Variants in MFF observed in about 807,000 individuals in gnomAD.
MFF encodes the protein chromosome 2 open reading frame 33.
In MFF, 12 loss-of-function variants were observed where a neutral mutation model predicts 36.9. That is an observed-to-expected ratio of 0.33 (90% CI 0.21 to 0.53). The LOEUF (loss-of-function observed/expected upper bound fraction) is 0.53, where lower values mean the gene tolerates loss of function less well. Ranked by LOEUF, MFF falls within the 20% of genes least tolerant of loss-of-function variation. The pLI is 0.95. For missense variants in MFF, 348 were observed against 366.6 expected (o/e 0.95, Z 0.42); for synonymous variants, 99 against 126.2 (o/e 0.78, Z 1.44).
At chr2:227,337,824 G>T (rs2075120062) in intron 4 of MFF, among the ~76,000 whole-genome samples, 1 of 151,996 alleles carries the variant, frequency 6.6e-6, no homozygotes, top group South Asian at 2.1e-4. Flanking sequence ...CGAAGTGGGT[G>T]GATCTCTTGA....
chr2:227,349,106 A>G (rs982013123), intron 6 of MFF, among the ~76,000 whole-genome samples: 5 of 152,186 alleles, frequency 3.3e-5, no homozygotes, highest in Non-Finnish European at 4.4e-5. Context: ...AGATATTTCC[A>G]AATCTTGTAT....
At chr2:227,356,121 C>G (rs543261395) in intron 8 of MFF, among the ~76,000 whole-genome samples, 1 of 152,178 alleles carries the variant, frequency 6.6e-6, no homozygotes, top group Non-Finnish European at 1.5e-5. Flanking sequence ...GCTTGCACAG[C>G]ATCCCTGCAT....
intron 1 of MFF, among the ~76,000 whole-genome samples, chr2:227,327,632 G>A (rs967340846): frequency 3.9e-5 from 6 of 152,172 alleles, no homozygotes; most frequent in Admixed American, 2.0e-4. Context: ...AGATATTCTC[G>A]TAAGAAAAGA....
Position 227,337,290 on chromosome 2 carries a change from C to T in MFF, c.352-3002C>T, listed in dbSNP as rs569125879. ...TGGCTTAACTGTTCTCCCCATGATT[C>T]GTGATTTTAAATTTTGGACAATGCA... is the stretch of plus-strand genomic sequence containing the variant. On this transcript the variant is annotated intron_variant, in intron 4 of 8. Transcript: ENST00000304593. Among the ~76,000 whole-genome samples the T allele has an allele frequency of 2.0e-5, 3 of 152,332 alleles. No homozygotes were observed. The South Asian group carries it at 6.2e-4, about 32-fold the overall frequency.
At chr2:227,340,457 A>G (rs2075331028) in intron 5 of MFF, 77 bp downstream of exon 5, 1 of 1,045,836 alleles carries the variant, frequency 9.6e-7, no homozygotes, top group African/African-American at 1.6e-5. Context: ...TTTTCTAAAT[A>G]ATTACTTCAT....
At chr2:227,339,864 A>G (rs973828122) in intron 4 of MFF, among the ~76,000 whole-genome samples, 1 of 152,216 alleles carries the variant, frequency 6.6e-6, no homozygotes, top group Non-Finnish European at 1.5e-5. Context: ...ACCAAATCTT[A>G]ATTTGTTACA....
At chr2:227,350,838 A>G (rs187398997) in intron 6 of MFF, among the ~76,000 whole-genome samples, 9 of 152,312 alleles carry the variant, frequency 5.9e-5, no homozygotes, top group Admixed American at 5.9e-4. Context: ...TTTATGTATT[A>G]AATCATACTT....
intron 4 of MFF, among the ~76,000 whole-genome samples, chr2:227,338,661 C>T (rs1171883496): frequency 6.6e-6 from 1 of 150,632 alleles, no homozygotes; most frequent in Non-Finnish European, 1.5e-5. Flanking sequence ...GAAACACCGT[C>T]TCCACTGAAA....
At chr2:227,356,655 C>T (rs1345505250) in intron 8 of MFF, among the ~76,000 whole-genome samples, 1 of 152,046 alleles carries the variant, frequency 6.6e-6, no homozygotes, top group Non-Finnish European at 1.5e-5. Context: ...GTAAGCCTGC[C>T]AAAATGCATA....
chr2:227,347,010 G>C (rs2075746833), intron 5 of MFF: 4 of 428,174 alleles, frequency 9.3e-6, no homozygotes, highest in Non-Finnish European at 1.7e-5. Flanking sequence ...TATTTATTTT[G>C]ATGTTTAGGG....
chr2:227,347,142 T>C lies in MFF; in HGVS notation c.441-84T>C, dbSNP rs547486380. 1.2e-5 allele frequency: 15 copies of C among 1,219,584 alleles called. No homozygotes were observed. The Admixed American group carries it at 2.9e-4, about 24-fold the overall frequency. 75.5% of individuals were successfully genotyped at this position (1,219,584 alleles called of 1,614,324 possible). A position where few individuals can be genotyped will look rare whatever the true frequency, so the allele number is the denominator to read the frequency against. ...GAAAGGGGCAAGAACACTAAGAAAA[T>C]TAAGATAAAGACTGCTCAGCTGAAG... On this transcript the variant is annotated intron_variant, in intron 5 of 8. Transcript: ENST00000304593.
chr2:227,352,623 G>T lies in MFF; in HGVS notation c.659+50G>T, dbSNP rs1450844400. On this transcript the variant is annotated intron_variant, in intron 7 of 8. Transcript: ENST00000304593. Reference sequence around the variant, plus strand: ...CCAGGGTAAATGCTTGGCGGAATTTGTGTGTTGCAGGGCATGTTGCATGTC... The same window carrying T: ...CCAGGGTAAATGCTTGGCGGAATTTTTGTGTTGCAGGGCATGTTGCATGTC... The T allele has an allele frequency of 2.8e-6, 4 of 1,417,544 alleles. No individual in the cohort carries two copies. The East Asian group carries it at 6.9e-5, about 25-fold the overall frequency. 87.8% of individuals were successfully genotyped at this position (1,417,544 alleles called of 1,614,324 possible). A position where few individuals can be genotyped will look rare whatever the true frequency, so the allele number is the denominator to read the frequency against.
chr2:227,338,920 T>C (rs550182386), intron 4 of MFF, among the ~76,000 whole-genome samples: 72 of 151,188 alleles, frequency 4.8e-4, no homozygotes, highest in African/African-American at 1.7e-3. Context: ...TTTAGTATTT[T>C]TGTTGGGCTC....
In MFF at chr2:227,347,265, C is replaced by T. The variant is rs2106433660; in HGVS notation, c.480C>T (p.Pro160=). 2 of 1,613,788 alleles carry T rather than the reference C, an allele frequency of 1.2e-6. No individual in the cohort carries two copies. The highest frequency in any genetic ancestry group is 8.5e-7 in the Non-Finnish European group (1 of 1,179,776). ...CACAACAGGCTCGGGTCTGTCCTCC[C>T]CATATGTTACCTGAAGATGGAGCTA... ...PSPQQARVCP[P]HMLPEDGANL... The change falls in exon 6 of 9, where the codon CCC becomes CCT. Residue 160 remains proline (P), a synonymous_variant. Transcript: ENST00000304593.
intron 4 of MFF, among the ~76,000 whole-genome samples, chr2:227,335,533 G>T (rs2074933525): frequency 6.6e-6 from 1 of 152,142 alleles, no homozygotes; most frequent in African/African-American, 2.4e-5. Context: ...AAATAAAAAA[G>T]AAAATACCTC....
At chr2:227,340,151 C>T in intron 4 of MFF, 141 bp from the exon 5 acceptor site, 1 of 598,434 alleles carries the variant, frequency 1.7e-6, no homozygotes, top group East Asian at 2.8e-5. Context: ...AATACACTGC[C>T]TGGCAGCAAT....
rs1424008799 is a variant in MFF, at chr2:227,357,267, A to G, written c.*150A>G. ...TCCAGAAAGTCTGGAGGAAGGACCT[A>G]TATTTGTAGAAGTAAAGGTATATTC... On this transcript the variant is annotated 3_prime_UTR_variant, in exon 9 of 9. Transcript: ENST00000304593. The G allele has an allele frequency of 5.3e-5, 43 of 815,592 alleles. No individual in the cohort carries two copies. The highest frequency in any genetic ancestry group is 2.7e-4 in the Admixed American group (9 of 33,720). 50.5% of individuals were successfully genotyped at this position (815,592 alleles called of 1,614,324 possible). A position where few individuals can be genotyped will look rare whatever the true frequency, so the allele number is the denominator to read the frequency against.
intron 4 of MFF, among the ~76,000 whole-genome samples, chr2:227,339,851 TCAAC>T (rs1322090994): frequency 1.3e-5 from 2 of 152,226 alleles, no homozygotes; most frequent in Non-Finnish European, 2.9e-5. Flanking sequence ...TTTCAAATAT[TCAAC>T]CAAATCTTAA....
Position 227,340,872 on chromosome 2 carries a change from G to A in MFF, c.440+492G>A, listed in dbSNP as rs1055328872. Among the ~76,000 whole-genome samples the A allele has an allele frequency of 5.3e-5, 8 of 152,224 alleles. 1 individual carries two copies. The South Asian group carries it at 1.7e-3, about 32-fold the overall frequency. The stretch of plus-strand genomic sequence containing the variant: ...CTACCACAAGATTATTAATGTCAGT[G>A]CTTTTTTACTTTTTTATTAAAATTA... On this transcript the variant is annotated intron_variant, in intron 5 of 8. Transcript: ENST00000304593.
Sources: allele counts gnomAD v4.1 joint callset (sites outside exome capture counted in the v4.1 genomes callset), GRCh38; gene constraint gnomAD v4.1.1; transcripts MANE v1.5; gene names NCBI Gene and HGNC (gene_info 2026-07-23, HGNC 2026-07-21).